EPS15L1: variants seen among roughly 807,000 people sequenced by gnomAD.
EPS15L1 encodes the protein epidermal growth factor receptor substrate 15-like 1.
EPS15L1 carries 43 observed loss-of-function variants against 117.1 expected under a neutral mutation model. The ratio of observed to expected loss-of-function variants is 0.37; its 90% CI spans 0.29 to 0.47. The LOEUF (loss-of-function observed/expected upper bound fraction) is 0.47. EPS15L1 is among the 20% of genes least tolerant of loss of function. The pLI is 0.99. For synonymous variants in EPS15L1, 459 were observed against 470.5 expected, an observed-to-expected ratio of 0.98 and a Z score of 0.32; for missense variants, 981 against 1,164.0, an observed-to-expected ratio of 0.84 and a Z score of 2.29.
intron 13 of EPS15L1, among the ~76,000 whole-genome samples, chr19:16,406,323 T>G (rs911997675): frequency 1.3e-5 from 2 of 152,092 alleles, no homozygotes; most frequent in African/African-American, 2.4e-5. Flanking sequence ...CTTATGGACA[T>G]GTTCGACAGG....
At position 16,439,211 on chromosome 19, in the gene EPS15L1, C is replaced by G. The variant is rs183115688; in HGVS notation, c.214-1346G>C. ...TCTCAGCCTGCTGTCCTCAGAAGCC[C>G]TTGCAGAGTGTAGAGGATCATAAGA... is the stretch of plus-strand genomic sequence containing the variant. On this transcript the variant is annotated intron_variant, in intron 4 of 23. Transcript: ENST00000455140. Among the ~76,000 whole-genome samples the G allele has an allele frequency of 2.3e-3, 344 of 152,068 alleles. 2 individuals are homozygous for G. The highest frequency in any genetic ancestry group is 7.9e-3 in the African/African-American group (328 of 41,474).
chr19:16,389,072 GGT>G (rs2092450204), intron 19 of EPS15L1, among the ~76,000 whole-genome samples: 1 of 151,028 alleles, frequency 6.6e-6, no homozygotes, highest in Non-Finnish European at 1.5e-5. Flanking sequence ...TGGCCAACAT[GGT>G]GAAACTCCAT....
chr19:16,440,520 G>A (rs894446763), intron 4 of EPS15L1: 1 of 170,920 alleles, frequency 5.9e-6, no homozygotes, highest in Non-Finnish European at 1.2e-5. Flanking sequence ...GGGAGAGCTG[G>A]CAAAAGATAC....
chr19:16,407,684 C>A (rs1032292903), intron 13 of EPS15L1, among the ~76,000 whole-genome samples: 12 of 152,288 alleles, frequency 7.9e-5, no homozygotes, highest in African/African-American at 2.6e-4. Flanking sequence ...ATCAATAAAG[C>A]TGAAATACAC....
intron 1 of EPS15L1, among the ~76,000 whole-genome samples, chr19:16,461,562 C>A (rs1194524883): frequency 1.3e-5 from 2 of 151,764 alleles, no homozygotes; most frequent in Non-Finnish European, 2.9e-5. Context: ...GCAAAGGTTG[C>A]GGTGAGCTGA....
At chr19:16,458,936 T>C (rs1326906591) in intron 1 of EPS15L1, among the ~76,000 whole-genome samples, 1 of 152,168 alleles carries the variant, frequency 6.6e-6, no homozygotes, top group Non-Finnish European at 1.5e-5. Context: ...CGTGAGGACA[T>C]CCTGGAGTGA....
chr19:16,388,267 T>G (rs946695263), intron 19 of EPS15L1, among the ~76,000 whole-genome samples: 6 of 152,122 alleles, frequency 3.9e-5, no homozygotes, highest in African/African-American at 1.4e-4. Flanking sequence ...CTCGAACTCC[T>G]GGCCTCAAGT....
rs144923331 is a variant in EPS15L1 at position 16,440,901 on chromosome 19, G to A, written c.174C>T (p.Asp58=). The A allele has an allele frequency of 9.4e-4, 1,521 of 1,614,140 alleles. 18 individuals are homozygous for A. The highest frequency in any genetic ancestry group is 9.2e-3 in the Middle Eastern group (56 of 6,062). ...LSDIILGKIW[D]LADPEGKGFL... is the part of the protein sequence containing the mutation. Reference sequence around the variant, plus strand: ...ACCCTTTACCTTCTGGATCGGCCAAGTCCCATATCTGCGGAAACACAAAAA... The same window carrying A: ...ACCCTTTACCTTCTGGATCGGCCAAATCCCATATCTGCGGAAACACAAAAA... Residue 58 remains aspartate (D), a synonymous_variant, in exon 4 of 24, where the codon GAC becomes GAT. Transcript: ENST00000455140.
At chr19:16,444,567 G>A (rs1244418743) in intron 1 of EPS15L1, among the ~76,000 whole-genome samples, 4 of 152,152 alleles carry the variant, frequency 2.6e-5, no homozygotes, top group Non-Finnish European at 5.9e-5. Context: ...CAGGCTGTTT[G>A]TCATCTGTCA....
At chr19:16,438,422 A>C (rs1347419610) in intron 4 of EPS15L1, among the ~76,000 whole-genome samples, 1 of 152,234 alleles carries the variant, frequency 6.6e-6, no homozygotes, top group Non-Finnish European at 1.5e-5. Flanking sequence ...AAAATTTCAG[A>C]TGCATATATT....
In EPS15L1 at chr19:16,404,806, A is replaced by G. The variant is rs2092639553; in HGVS notation, c.1267-57T>C. ...ATGGGAAAAATGAAGCATGTCCAAG[A>G]TAACGGGGGGCAGCCTGGGCCAGAA... is the stretch of plus-strand genomic sequence containing the variant. On this transcript the variant is annotated intron_variant, in intron 13 of 23. Transcript: ENST00000455140. The surrounding 1 kb of genome is among the most constrained non-coding windows in gnomAD (Gnocchi z 4.2). 6.3e-7 allele frequency: 1 copy of G among 1,591,776 alleles called. No homozygotes were observed. Among genetic ancestry groups the G allele is most frequent in the Non-Finnish European group, 8.6e-7 (1 of 1,163,498 alleles).
At chr19:16,430,732 C>CA (rs1386679230) in intron 7 of EPS15L1, among the ~76,000 whole-genome samples, 1 of 152,190 alleles carries the variant, frequency 6.6e-6, no homozygotes, top group East Asian at 1.9e-4. Context: ...TGTGTGAGTG[C>CA]CTGGATGCAC....
intron 20 of EPS15L1, 71 bp downstream of exon 20, chr19:16,386,100 G>C: frequency 8.5e-7 from 1 of 1,182,546 alleles, no homozygotes; most frequent in Non-Finnish European, 1.3e-6. Context: ...GGGAGTGAAA[G>C]TGTTAACTGC....
At chr19:16,429,799 G>A (rs909655708) in intron 7 of EPS15L1, among the ~76,000 whole-genome samples, 4 of 152,150 alleles carry the variant, frequency 2.6e-5, no homozygotes, top group African/African-American at 7.2e-5. Context: ...CTTTACCAGG[G>A]ATCCAGGACT....
chr19:16,450,607 A>G (rs1159437777), intron 1 of EPS15L1, among the ~76,000 whole-genome samples: 4 of 150,272 alleles, frequency 2.7e-5, no homozygotes, highest in Non-Finnish European at 5.9e-5. Context: ...CAGCCTCCCA[A>G]GTAGCTGGGA....
rs780951447 is a variant in EPS15L1 at position 16,403,807 on chromosome 19, T to C, written c.1552A>G (p.Ser518Gly). Reference sequence around the variant, plus strand: ...AGCTGGACTCGCCCAGCCTGAATGCTCTGCTCCAGCTGGGTTTCCTCCTGC... The same window carrying C: ...AGCTGGACTCGCCCAGCCTGAATGCCCTGCTCCAGCTGGGTTTCCTCCTGC... The part of the protein sequence containing the change: ...LQQEETQLEQ[S>G]IQAGRVQLET... The change falls in exon 15 of 24, where the codon AGC (serine) becomes GGC (glycine). Residue 518 changes from serine to glycine, a missense_variant. Physicochemically the swap from Ser to Gly is moderately conservative, Grantham distance 56 (BLOSUM62 0). Coordinates refer to ENST00000455140, the MANE Select transcript of EPS15L1 (RefSeq NM_001258374.3). 6.2e-7 allele frequency: 1 copy of C among 1,614,126 alleles called. No individual in the cohort carries two copies. The highest frequency in any genetic ancestry group is 1.1e-5 in the South Asian group (1 of 91,080).
intron 7 of EPS15L1, among the ~76,000 whole-genome samples, chr19:16,429,674 T>C (rs954340574): frequency 1.3e-5 from 2 of 152,172 alleles, no homozygotes. Flanking sequence ...TGCCCCACCC[T>C]GCTCCTCAGC....
At chr19:16,377,829 G>A (rs1599546012) in intron 21 of EPS15L1, among the ~76,000 whole-genome samples, 2 of 152,236 alleles carry the variant, frequency 1.3e-5, no homozygotes, top group South Asian at 2.1e-4. Context: ...TCACATGCCC[G>A]GCCACCCGCA....
chr19:16,435,755 G>C (rs1223190783), intron 6 of EPS15L1, among the ~76,000 whole-genome samples: 1 of 152,082 alleles, frequency 6.6e-6, no homozygotes, highest in Non-Finnish European at 1.5e-5. Context: ...GGCACTTCGG[G>C]CTTGTTCTTT....
Sources: allele counts gnomAD v4.1 joint callset (sites outside exome capture counted in the v4.1 genomes callset), GRCh38; gene constraint gnomAD v4.1.1; non-coding constraint Gnocchi (gnomAD v3.1); transcripts MANE v1.5; gene names NCBI Gene and HGNC (gene_info 2026-07-23, HGNC 2026-07-21).